KAZN: variants seen among roughly 807,000 people sequenced by gnomAD.
KAZN encodes the protein kazrin, periplakin interacting protein.
A neutral mutation model predicts 87.4 loss-of-function variants in KAZN; 40 were observed. The observed-to-expected ratio is 0.46, with a 90% CI of 0.36 to 0.60. The LOEUF is 0.60. Among genes scored for constraint, KAZN ranks in the 20% least tolerant of loss-of-function variants. The probability of loss-of-function intolerance (pLI) is 0.00; values close to 1 mark genes in which losing one functional copy is unlikely to be tolerated. For missense variants in KAZN, 898 were observed against 1,073.9 expected (o/e 0.84, Z 2.29); for synonymous variants, 466 against 458.3 (o/e 1.02, Z -0.22).
intron 1 of KAZN, among the ~76,000 whole-genome samples, chr1:13,908,908 G>A (rs1024713460): frequency 6.6e-6 from 1 of 152,140 alleles, no homozygotes; most frequent in African/African-American, 2.4e-5. Flanking sequence ...ATAAACACAT[G>A]TTTTATGAGA....
At chr1:14,211,770 C>T (rs1284641642) in intron 2 of KAZN, among the ~76,000 whole-genome samples, 1 of 152,014 alleles carries the variant, frequency 6.6e-6, no homozygotes, top group Non-Finnish European at 1.5e-5. Flanking sequence ...TTCTCTCCTA[C>T]AAAATTTTCC....
chr1:15,084,712 A>C (rs549776744), intron 8 of KAZN, among the ~76,000 whole-genome samples: 99 of 152,338 alleles, frequency 6.5e-4, no homozygotes, highest in South Asian at 1.0e-3. Context: ...CCCAGGTCTC[A>C]TCCCCACTCC....
intron 1 of KAZN, among the ~76,000 whole-genome samples, chr1:14,874,240 G>A (rs1476497790): frequency 2.6e-5 from 4 of 152,252 alleles, no homozygotes; most frequent in South Asian, 2.1e-4. Context: ...TTTGGAGGTC[G>A]GAAGGGGGAA....
At chr1:14,858,214 C>CTTTTTTTT in intron 1 of KAZN, among the ~76,000 whole-genome samples, 1 of 117,044 alleles carries the variant, frequency 8.5e-6, no homozygotes, top group Non-Finnish European at 1.7e-5. Flanking sequence ...TTTTTCTTTT[C>CTTTTTTTT]TTTTTTTTTT....
At chr1:14,810,008 A>C (rs772497532) in intron 1 of KAZN, among the ~76,000 whole-genome samples, 36 of 152,144 alleles carry the variant, frequency 2.4e-4, no homozygotes, top group Non-Finnish European at 5.0e-4. Context: ...TGTCTTGTGC[A>C]TTGCAGGTGC....
In KAZN at chr1:15,066,581, A is replaced by G. The variant is rs1639243227; in HGVS notation, c.1222+828A>G. 2.0e-6 allele frequency: 2 copies of G among 984,322 alleles called. No homozygotes were observed. The highest frequency in any genetic ancestry group is 1.7e-5 in the African/African-American group (1 of 57,340). The allele number at this position is 984,322 out of a possible 1,614,324, so 61.0% of individuals were successfully genotyped here. ...TTATGAAAAAAAAGAAAAAAAGAAA[A>G]TTGTTTCATTTAATTTATTTGCACA... On this transcript the variant is annotated intron_variant, in intron 8 of 14. Coordinates refer to ENST00000376030, the MANE Select transcript of KAZN (RefSeq NM_201628.3). This position sits in a 1 kb window ranked among gnomAD's most constrained non-coding sequence, Gnocchi z 4.3.
chr1:14,664,807 C>G (rs1639418557), intron 1 of KAZN, among the ~76,000 whole-genome samples: 1 of 152,062 alleles, frequency 6.6e-6, no homozygotes, highest in Admixed American at 6.6e-5. Context: ...GTACCCACCA[C>G]CACGCCTGGC....
chr1:14,270,649 C>T (rs1209835943), intron 2 of KAZN, among the ~76,000 whole-genome samples: 1 of 152,046 alleles, frequency 6.6e-6, no homozygotes, highest in Non-Finnish European at 1.5e-5. Context: ...AATATGAGTC[C>T]ACAATAAGCA....
intron 1 of KAZN, among the ~76,000 whole-genome samples, chr1:14,073,747 G>C (rs894296833): frequency 7.2e-5 from 11 of 152,170 alleles, no homozygotes; most frequent in African/African-American, 2.7e-4. Context: ...TTTTATGGCT[G>C]AATAGTATTC....
At chr1:14,518,036 G>T (rs1671387622) in intron 2 of KAZN, among the ~76,000 whole-genome samples, 1 of 152,128 alleles carries the variant, frequency 6.6e-6, no homozygotes, top group Admixed American at 6.5e-5. Flanking sequence ...GGAGTTCTGG[G>T]TTCAAGCCCA....
chr1:15,092,138 G>A (rs376436788), intron 8 of KAZN, among the ~76,000 whole-genome samples: 1 of 144,482 alleles, frequency 6.9e-6, no homozygotes, highest in East Asian at 2.1e-4. Context: ...GTGCAATGGC[G>A]CAATCTCGGC....
intron 8 of KAZN, among the ~76,000 whole-genome samples, chr1:15,082,724 G>A (rs919594823): frequency 5.3e-5 from 8 of 152,168 alleles, no homozygotes; most frequent in Non-Finnish European, 1.0e-4. Context: ...ACGGAGTCTC[G>A]CTCTGTCGCT....
chr1:14,431,006 T>A (rs765228905), intron 2 of KAZN, among the ~76,000 whole-genome samples: 2 of 152,256 alleles, frequency 1.3e-5, no homozygotes, highest in Non-Finnish European at 2.9e-5. Context: ...CAGAAAATTA[T>A]GTCCCTTTTC....
At chr1:14,093,036 A>G (rs924992430) in intron 1 of KAZN, among the ~76,000 whole-genome samples, 5 of 152,222 alleles carry the variant, frequency 3.3e-5, no homozygotes, top group African/African-American at 1.2e-4. Context: ...CTCTGTTATC[A>G]AGCCATAAGT....
chr1:14,652,482 C>A (rs1257123332), intron 1 of KAZN, among the ~76,000 whole-genome samples: 1 of 41,476 alleles, frequency 2.4e-5, no homozygotes, highest in Non-Finnish European at 5.1e-5. Flanking sequence ...CACCCACCCG[C>A]CCATCCACCT....
chr1:14,594,475 G>A (rs1003632671), upstream of KAZN, among the ~76,000 whole-genome samples: 4 of 152,220 alleles, frequency 2.6e-5, no homozygotes, highest in Admixed American at 6.5e-5. Context: ...CATATGAGCC[G>A]AGGCCTGGAC....
chr1:14,334,946 CAG>C (rs750988426), intron 2 of KAZN, among the ~76,000 whole-genome samples: 20 of 152,078 alleles, frequency 1.3e-4, no homozygotes, highest in Admixed American at 5.9e-4. Flanking sequence ...GACACAGAGA[CAG>C]AGAGTGAGAG....
chr1:15,048,640 T>C (rs558833058), intron 4 of KAZN, among the ~76,000 whole-genome samples: 13 of 146,502 alleles, frequency 8.9e-5, no homozygotes, highest in African/African-American at 2.6e-4. Context: ...TCCTGGGTCG[T>C]CGGTCCTGGG....
intron 2 of KAZN, among the ~76,000 whole-genome samples, chr1:14,301,123 T>A (rs1654520609): frequency 6.6e-6 from 1 of 152,164 alleles, no homozygotes. Flanking sequence ...CATGGCCCAG[T>A]GAACCTAGGG....
Sources: allele counts gnomAD v4.1 joint callset (sites outside exome capture counted in the v4.1 genomes callset), GRCh38; gene constraint gnomAD v4.1.1; non-coding constraint Gnocchi (gnomAD v3.1); transcripts MANE v1.5; gene names NCBI Gene and HGNC (gene_info 2026-07-23, HGNC 2026-07-21).